The following MTREX variants were observed in gnomAD, a reference collection of about 807,000 sequenced individuals.
MTREX encodes exosome RNA helicase MTR4.
Under a neutral mutation model 135.4 loss-of-function variants are expected in MTREX, and 76 were observed. The observed-to-expected ratio is 0.56, with a 90% CI of 0.47 to 0.68. The LOEUF (loss-of-function observed/expected upper bound fraction) is 0.68, where lower values mean the gene tolerates loss of function less well. Ranked by LOEUF, MTREX falls within the 30% of genes least tolerant of loss-of-function variation. The pLI is 0.00. For missense variants in MTREX, 920 were observed against 1,262.1 expected (o/e 0.73, Z 4.11); for synonymous variants, 404 against 401.6 (o/e 1.01, Z -0.07).
chr5:55,326,594 C>G (rs922044032), intron 3 of MTREX, among the ~76,000 whole-genome samples: 1 of 152,076 alleles, frequency 6.6e-6, no homozygotes, highest in South Asian at 2.1e-4. Flanking sequence ...ACCTCCATCA[C>G]CAAGGCTATT....
chr5:55,358,801 G>C, intron 15 of MTREX, 103 bp downstream of exon 15: 1 of 903,166 alleles, frequency 1.1e-6, no homozygotes, highest in Non-Finnish European at 1.6e-6. Context: ...AGTGAAATGA[G>C]TTAATATACT....
chr5:55,308,850 GATTA>G (rs1007183397), intron 1 of MTREX, among the ~76,000 whole-genome samples: 2 of 152,176 alleles, frequency 1.3e-5, no homozygotes, highest in African/African-American at 2.4e-5. Context: ...AAAGTAAGAT[GATTA>G]ATTAACAATC....
At chr5:55,314,244 T>G (rs1749163411) in intron 1 of MTREX, among the ~76,000 whole-genome samples, 1 of 152,250 alleles carries the variant, frequency 6.6e-6, no homozygotes, top group Non-Finnish European at 1.5e-5. Context: ...TGTACCATTT[T>G]GTGTTTTCAA....
chr5:55,397,693 A>C (rs1333239986), intron 20 of MTREX, among the ~76,000 whole-genome samples, 167 bp downstream of exon 20: 2 of 152,194 alleles, frequency 1.3e-5, no homozygotes, highest in Non-Finnish European at 2.9e-5. Context: ...GCAGACCTTC[A>C]TGTGGATTTG....
At chr5:55,323,664 C>T (rs1230735497) in intron 2 of MTREX, among the ~76,000 whole-genome samples, 1 of 152,184 alleles carries the variant, frequency 6.6e-6, no homozygotes. Context: ...AAGTGATCCA[C>T]CCACTTCAGC....
intron 1 of MTREX, among the ~76,000 whole-genome samples, chr5:55,321,456 G>A (rs565661221): frequency 6.6e-4 from 101 of 152,084 alleles, no homozygotes; most frequent in African/African-American, 2.3e-3. Context: ...AAGAAGTCCG[G>A]AAGATCATTT....
chr5:55,313,337 G>A (rs532594445), intron 1 of MTREX, among the ~76,000 whole-genome samples: 27 of 152,054 alleles, frequency 1.8e-4, no homozygotes, highest in African/African-American at 5.3e-4. Flanking sequence ...CTAGTCAGGA[G>A]GCTGAGGTTG....
chr5:55,333,645 G>C (rs13173228), intron 5 of MTREX, among the ~76,000 whole-genome samples: 10,085 of 152,042 alleles, frequency 0.066, 625 homozygotes, highest in African/African-American at 0.14. Flanking sequence ...GTAGATACTA[G>C]AAAACCTGAT....
At chr5:55,341,854 G>A in intron 7 of MTREX, 83 bp downstream of exon 7, 1 of 678,252 alleles carries the variant, frequency 1.5e-6, no homozygotes. Context: ...GTTAAACTTT[G>A]CTTCTAGTTT....
At chr5:55,373,092 T>C (rs1380500333) in intron 16 of MTREX, among the ~76,000 whole-genome samples, 1 of 151,184 alleles carries the variant, frequency 6.6e-6, no homozygotes, top group Non-Finnish European at 1.5e-5. Context: ...TAAGGCAGGG[T>C]TGTTTATTTT....
chr5:55,351,576 C>A (rs1276684205), intron 13 of MTREX, among the ~76,000 whole-genome samples: 1 of 152,120 alleles, frequency 6.6e-6, no homozygotes, highest in African/African-American at 2.4e-5. Flanking sequence ...CTATTGGATA[C>A]CACAGAATGT....
intron 22 of MTREX, among the ~76,000 whole-genome samples, chr5:55,410,097 T>A (rs1348398441): frequency 2.0e-5 from 3 of 152,072 alleles, no homozygotes; most frequent in African/African-American, 7.2e-5. Context: ...AATAAAAAAA[T>A]GTGGTTCTTC....
intron 1 of MTREX, among the ~76,000 whole-genome samples, chr5:55,313,313 A>G (rs1328564280): frequency 2.0e-5 from 3 of 150,552 alleles, no homozygotes; most frequent in African/African-American, 4.9e-5. Flanking sequence ...TGTGGCATGC[A>G]CCTGTAGTCC....
rs938643274 is a variant in MTREX, at chr5:55,344,035, C to T, written c.907-487C>T. 2.0e-5 allele frequency among the ~76,000 whole-genome samples: 3 copies of T among 152,062 alleles called. No individual in the cohort carries two copies. The East Asian group carries it at 5.8e-4, about 29-fold the overall frequency. ...TCTCATGAACTTATCTGTTTATAAG[C>T]TCCCTGATCGTGTTTTTATGGCATT... On this transcript the variant is annotated intron_variant, in intron 8 of 26. Transcript: ENST00000230640.
chr5:55,411,202 C>T (rs1750880402), intron 23 of MTREX, among the ~76,000 whole-genome samples: 1 of 152,162 alleles, frequency 6.6e-6, no homozygotes, highest in Non-Finnish European at 1.5e-5. Flanking sequence ...CACATAAGAA[C>T]ACTAATTATC....
intron 15 of MTREX, among the ~76,000 whole-genome samples, chr5:55,359,237 A>G (rs1749970381): frequency 6.6e-6 from 1 of 152,202 alleles, no homozygotes; most frequent in Non-Finnish European, 1.5e-5. Context: ...TGTGCTTCGG[A>G]TGGTCTAGGA....
intron 10 of MTREX, 77 bp downstream of exon 10, chr5:55,345,273 G>T (rs922782497): frequency 3.2e-6 from 3 of 939,942 alleles, no homozygotes; most frequent in Admixed American, 2.4e-5. Context: ...TTTTGTCTTA[G>T]TTTTTTTTTC....
At position 55,402,822 on chromosome 5, in the gene MTREX, A is replaced by ATGTGTGTG. The variant is rs147629671; in HGVS notation, c.2481+2413_2481+2420dup. Among the ~76,000 whole-genome samples the ATGTGTGTG allele has an allele frequency of 6.1e-3, 877 of 143,706 alleles. 10 individuals carry two copies. Among genetic ancestry groups the ATGTGTGTG allele is most frequent in the African/African-American group, 8.4e-3 (323 of 38,382 alleles). 94.3% of individuals were successfully genotyped at this position (143,706 alleles called of 152,430 possible). Reference sequence around the variant, plus strand: ...TGATATATAAATATAAGCACATTATATGTGTGTGTGTGTGTGTGTATGTGT... The same window carrying ATGTGTGTG: ...TGATATATAAATATAAGCACATTATATGTGTGTGTGTGTGTGTGTGTGTGTGTATGTGT... On this transcript the variant is annotated intron_variant, in intron 21 of 26. Transcript: ENST00000230640.
chr5:55,389,780 A>G (rs961408757), intron 19 of MTREX, among the ~76,000 whole-genome samples: 1 of 152,182 alleles, frequency 6.6e-6, no homozygotes, highest in Non-Finnish European at 1.5e-5. Context: ...AAGGCATGAA[A>G]CAATGTACAG....
Sources: allele counts gnomAD v4.1 joint callset (sites outside exome capture counted in the v4.1 genomes callset), GRCh38; gene constraint gnomAD v4.1.1; transcripts MANE v1.5; gene names NCBI Gene and HGNC (gene_info 2026-07-23, HGNC 2026-07-21).